The following SS18L1 variants were observed in gnomAD, a reference collection of about 807,000 sequenced individuals.
SS18L1 encodes SS18L1 subunit of BAF chromatin remodeling complex, also known as calcium-responsive transactivator.
In SS18L1, 32 loss-of-function variants were observed where a neutral mutation model predicts 70.3. That is an observed-to-expected ratio of 0.46 (90% confidence interval 0.34 to 0.61). SS18L1 has a LOEUF of 0.61. Among genes scored for constraint, SS18L1 ranks in the 20% least tolerant of loss-of-function variants. The probability of loss-of-function intolerance (pLI) is 0.01; values close to 1 mark genes in which losing one functional copy is unlikely to be tolerated. For synonymous variants in SS18L1, 237 were observed against 229.7 expected (o/e 1.03, Z -0.29); for missense variants, 430 against 542.1 (o/e 0.79, Z 2.05).
chr20:62,154,653 C>G (rs574726379), intron 1 of SS18L1, among the ~76,000 whole-genome samples: 1 of 152,358 alleles, frequency 6.6e-6, no homozygotes, highest in African/African-American at 2.4e-5. Context: ...TCGGAATCCA[C>G]TGTCCTTCAC....
intron 1 of SS18L1, among the ~76,000 whole-genome samples, chr20:62,148,696 A>G (rs1344192246): frequency 1.3e-5 from 2 of 152,258 alleles, no homozygotes; most frequent in Non-Finnish European, 2.9e-5. Flanking sequence ...GGAGGTGGGC[A>G]GGAGAAAGGC....
In SS18L1 at chr20:62,158,799, A is replaced by C. The variant is rs570103237; in HGVS notation, c.146+51A>C. ...ACTTGGAGGGTGTCATGCAGAGTCT[A>C]AGCACAGAGGCCAGATACGTCCCAA... On this transcript the variant is annotated intron_variant, in intron 2 of 10. Transcript: ENST00000331758. This position sits in a 1 kb window ranked among gnomAD's most constrained non-coding sequence, Gnocchi z 4.5. 3.7e-6 allele frequency: 6 copies of C among 1,612,618 alleles called. No homozygotes were observed. The highest frequency in any genetic ancestry group is 5.1e-6 in the Non-Finnish European group (6 of 1,179,858).
At chr20:62,160,962 G>T (rs1354303522) in intron 3 of SS18L1, among the ~76,000 whole-genome samples, 1 of 151,944 alleles carries the variant, frequency 6.6e-6, no homozygotes, top group Non-Finnish European at 1.5e-5. Flanking sequence ...TCCGAGGCGG[G>T]TGTGGGGTGG....
Position 62,165,409 on chromosome 20 carries a change from C to G in SS18L1, c.824-13C>G, listed in dbSNP as rs752991158. On this transcript the variant is annotated splice_polypyrimidine_tract_variant and intron_variant, in intron 7 of 10. Coordinates refer to ENST00000331758, the MANE Select transcript of SS18L1 (RefSeq NM_198935.3). ...CAGCCTCCGCTGACTGTCGCCGTCT[C>G]CGTTTCGCACAGGCCATGGCGATTA... is the stretch of plus-strand genomic sequence containing the variant. 3 of 1,608,542 alleles carry G rather than the reference C, an allele frequency of 1.9e-6. No individual in the cohort carries two copies. The East Asian group carries it at 6.7e-5, about 36-fold the overall frequency.
At chr20:62,156,398 C>G (rs1199864012) in intron 1 of SS18L1, among the ~76,000 whole-genome samples, 1 of 152,194 alleles carries the variant, frequency 6.6e-6, no homozygotes. Context: ...CACAGTGTCC[C>G]CTGGCGGCCC....
At chr20:62,160,637 CTCTG>C (rs1185092082) in intron 3 of SS18L1, among the ~76,000 whole-genome samples, 11 of 152,180 alleles carry the variant, frequency 7.2e-5, no homozygotes, top group African/African-American at 2.4e-4. Context: ...CTGCTGCAGC[CTCTG>C]TCCTGCTGAC....
chr20:62,170,889 C>T (rs1396723154), intron 8 of SS18L1, among the ~76,000 whole-genome samples: 1 of 151,926 alleles, frequency 6.6e-6, no homozygotes, highest in East Asian at 1.9e-4. Context: ...AAACTGGCTC[C>T]TTTATTTTTT....
At position 62,163,487 on chromosome 20, in the gene SS18L1, T is replaced by A; in HGVS notation, c.586T>A (p.Ser196Thr). 1 of 1,612,282 alleles carries A rather than the reference T, an allele frequency of 6.2e-7. No individual in the cohort carries two copies. ...CATGATGCAGCAGCAGGCGGCCACGTCGCACTACAGCTCGGCGCAGGGCGG... is the reference window on the plus strand; with the variant it reads ...CATGATGCAGCAGCAGGCGGCCACGACGCACTACAGCTCGGCGCAGGGCGG... ...VSMMQQQAAT[S>T]HYSSAQGGSQ... Residue 196 changes from serine to threonine, a missense_variant, in exon 6 of 11, where the codon TCG becomes ACG. Ser to Thr is a moderately conservative substitution (Grantham distance 58). Coordinates refer to ENST00000331758, the MANE Select transcript of SS18L1 (RefSeq NM_198935.3).
At chr20:62,146,504 C>T (rs2057028408) in intron 1 of SS18L1, among the ~76,000 whole-genome samples, 1 of 152,056 alleles carries the variant, frequency 6.6e-6, no homozygotes, top group Admixed American at 6.5e-5. Context: ...GTCCCAAGTC[C>T]AGGGGTCAGT....
intron 4 of SS18L1, 138 bp from the exon 5 acceptor site, chr20:62,162,614 T>C (rs1459482051): frequency 1.5e-5 from 13 of 865,508 alleles, no homozygotes; most frequent in Non-Finnish European, 2.2e-5. Context: ...ACTTATTTAT[T>C]AGTCACTTAA....
Position 62,154,968 on chromosome 20 carries a change from C to G in SS18L1, c.70-3704C>G, listed in dbSNP as rs1479358195. Among the ~76,000 whole-genome samples, 3 of 152,186 alleles carry G rather than the reference C, an allele frequency of 2.0e-5. No individual in the cohort carries two copies. The East Asian group carries it at 5.8e-4, about 29-fold the overall frequency. On this transcript the variant is annotated intron_variant, in intron 1 of 10. Transcript: ENST00000331758. ...CTCTGTTGAATTGTGTTCTGACTAA[C>G]AGGTTTTCACCTCCAGAGCTCTTCT...
intron 3 of SS18L1, 62 bp downstream of exon 3, chr20:62,160,023 C>A: frequency 1.3e-6 from 2 of 1,498,556 alleles, no homozygotes; most frequent in South Asian, 1.2e-5. Flanking sequence ...TGCCTAAGAT[C>A]GGAATTGTGG....
In SS18L1 at chr20:62,158,972, C is replaced by T. The variant is rs774566674; in HGVS notation, c.146+224C>T. 9.6e-6 allele frequency: 15 copies of T among 1,557,240 alleles called. 1 individual carries two copies. Among genetic ancestry groups the T allele is most frequent in the South Asian group, 6.7e-5 (6 of 89,676 alleles). ...GATATGTCCCGAGAGTCCCCCAGCA[C>T]GGAGGCCAGATATGTCCCGAGAGTC... On this transcript the variant is annotated intron_variant, in intron 2 of 10. Coordinates refer to ENST00000331758, the MANE Select transcript of SS18L1 (RefSeq NM_198935.3). This position sits in a 1 kb window ranked among gnomAD's most constrained non-coding sequence, Gnocchi z 4.5.
intron 4 of SS18L1, chr20:62,162,449 G>A (rs974161507): frequency 1.4e-5 from 4 of 276,026 alleles, no homozygotes; most frequent in Non-Finnish European, 2.7e-5. Context: ...TTATAGGCAC[G>A]TGCCACCACA....
Position 62,163,546 on chromosome 20 carries a change from C to A in SS18L1, c.645C>A (p.Ala215=), listed in dbSNP as rs746194874. ...SQHYQGQSSI[A]MMGQGSQGSS... is the part of the protein sequence containing the mutation. Reference sequence around the variant, plus strand: ...ACTACCAGGGCCAGTCGTCCATCGCCATGATGGGGCAGGGCAGCCAGGGGA... The same window carrying A: ...ACTACCAGGGCCAGTCGTCCATCGCAATGATGGGGCAGGGCAGCCAGGGGA... Residue 215 remains alanine (A), a synonymous_variant, in exon 6 of 11, where the codon GCC becomes GCA. Transcript: ENST00000331758. 5.6e-6 allele frequency: 9 copies of A among 1,611,084 alleles called. No homozygotes were observed. In the African/African-American group the frequency reaches 1.2e-4, roughly 22 times the overall value.
chr20:62,154,211 G>T, intron 1 of SS18L1: 1 of 557,462 alleles, frequency 1.8e-6, no homozygotes, highest in Non-Finnish European at 2.3e-6. Flanking sequence ...AAGGATTACT[G>T]GAAGGACCCT....
At chr20:62,154,352 G>T in intron 1 of SS18L1, 1 of 1,050,094 alleles carries the variant, frequency 9.5e-7, no homozygotes, top group Non-Finnish European at 1.1e-6. Flanking sequence ...TAACTTGCGG[G>T]TCTGAAAGTG....
Position 62,167,034 on chromosome 20 carries a change from G to GTTTTTTTTTTTTTT in SS18L1, c.916+1523_916+1524insTTTTTTTTTTTTTT, listed in dbSNP as rs1235961398. On this transcript the variant is annotated intron_variant, in intron 8 of 10. Transcript: ENST00000331758. ...GGAGGAGGATTGCTTGAGCTCAGGAGTTTGTTTGTTTTTTTTTTTTTTTTT... is the reference window on the plus strand; with the variant it reads ...GGAGGAGGATTGCTTGAGCTCAGGAGTTTTTTTTTTTTTTTTTGTTTGTTTTTTTTTTTTTTTTT... Among the ~76,000 whole-genome samples the GTTTTTTTTTTTTTT allele has an allele frequency of 3.2e-5, 4 of 123,494 alleles. 1 individual carries two copies. The East Asian group carries it at 7.8e-4, about 24-fold the overall frequency. The allele number at this position is 123,494 out of a possible 152,430, so 81.0% of individuals were successfully genotyped here.
At chr20:62,155,233 T>C (rs1226222406) in intron 1 of SS18L1, among the ~76,000 whole-genome samples, 1 of 152,016 alleles carries the variant, frequency 6.6e-6, no homozygotes, top group Non-Finnish European at 1.5e-5. Context: ...AGACCCTGTC[T>C]CTACCAACAA....
Sources: gnomAD v4.1 joint callset for allele counts (sites outside exome capture counted in the v4.1 genomes callset) on GRCh38, gnomAD v4.1.1 for gene constraint, Gnocchi (gnomAD v3.1) non-coding constraint, MANE v1.5 for transcripts, NCBI Gene and HGNC (gene_info 2026-07-23, HGNC 2026-07-21) for gene names.